The following MAGI2 variants were observed in gnomAD, a reference collection of about 807,000 sequenced individuals.
The protein encoded by MAGI2 is membrane-associated guanylate kinase, WW and PDZ domain-containing protein 2.
In MAGI2, 35 loss-of-function variants were observed where a neutral mutation model predicts 133.3. That is an observed-to-expected ratio of 0.26 (90% CI 0.20 to 0.35). MAGI2 has a LOEUF of 0.35. Among genes scored for constraint, MAGI2 ranks in the 10% least tolerant of loss-of-function variants. The probability of loss-of-function intolerance (pLI) is 1.00; values close to 1 mark genes in which losing one functional copy is unlikely to be tolerated. For synonymous variants in MAGI2, 729 were observed against 710.6 expected (o/e 1.03, Z -0.41); for missense variants, 1,636 against 1,863.4 (o/e 0.88, Z 2.25).
intron 1 of MAGI2, among the ~76,000 whole-genome samples, chr7:79,036,914 T>C (rs987564867): frequency 2.6e-5 from 4 of 152,144 alleles, no homozygotes; most frequent in Non-Finnish European, 5.9e-5. Flanking sequence ...TATGTAAAAA[T>C]TATGTTAATC....
chr7:79,027,743 C>T (rs1810039717), intron 1 of MAGI2, among the ~76,000 whole-genome samples: 1 of 151,782 alleles, frequency 6.6e-6, no homozygotes, highest in Admixed American at 6.6e-5. Flanking sequence ...TTAATTATTC[C>T]ATCTTGTATT....
chr7:79,355,151 C>T (rs1352305835), intron 1 of MAGI2, among the ~76,000 whole-genome samples: 2 of 152,312 alleles, frequency 1.3e-5, no homozygotes, highest in South Asian at 4.2e-4. Context: ...GGACTTCGTT[C>T]CTGCCACTAA....
chr7:78,745,187 G>A (rs1822807484), intron 2 of MAGI2, among the ~76,000 whole-genome samples: 1 of 151,998 alleles, frequency 6.6e-6, no homozygotes, highest in African/African-American at 2.4e-5. Context: ...CAATCCTATT[G>A]GTTTGTTATT....
At chr7:78,835,642 T>C (rs1791555312) in intron 2 of MAGI2, among the ~76,000 whole-genome samples, 1 of 152,004 alleles carries the variant, frequency 6.6e-6, no homozygotes, top group African/African-American at 2.4e-5. Context: ...CATTCCTCAC[T>C]CCCAGGAAGG....
intron 2 of MAGI2, among the ~76,000 whole-genome samples, chr7:78,699,183 C>T (rs1314209946): frequency 3.3e-5 from 5 of 152,130 alleles, no homozygotes; most frequent in Admixed American, 1.3e-4. Context: ...GATCTTGGCT[C>T]AATGCAATCT....
At chr7:79,251,428 C>T (rs1833262344) in intron 1 of MAGI2, among the ~76,000 whole-genome samples, 1 of 114,258 alleles carries the variant, frequency 8.8e-6, no homozygotes, top group African/African-American at 3.5e-5. Context: ...GGCAAAAGAT[C>T]TGAATAGAGA....
chr7:78,663,939 T>C (rs902806854), intron 2 of MAGI2, among the ~76,000 whole-genome samples: 3 of 152,216 alleles, frequency 2.0e-5, no homozygotes, highest in African/African-American at 7.2e-5. Context: ...GCAGCACATA[T>C]AATACATTGC....
chr7:79,144,852 T>TC (rs1321820554), intron 1 of MAGI2, among the ~76,000 whole-genome samples: 1 of 152,198 alleles, frequency 6.6e-6, no homozygotes, highest in Non-Finnish European at 1.5e-5. Context: ...TAACATGCCT[T>TC]CCCCAACCCC....
intron 4 of MAGI2, among the ~76,000 whole-genome samples, chr7:78,513,319 A>C (rs1795763897): frequency 6.6e-6 from 1 of 152,150 alleles, no homozygotes; most frequent in African/African-American, 2.4e-5. Context: ...ACGGGAAAAA[A>C]CATCACAATA....
intron 2 of MAGI2, among the ~76,000 whole-genome samples, chr7:78,745,819 G>A (rs183771246): frequency 1.3e-5 from 2 of 152,210 alleles, no homozygotes; most frequent in East Asian, 3.9e-4. Context: ...TGGTATTCTA[G>A]GCATCTTTTC....
intron 6 of MAGI2, among the ~76,000 whole-genome samples, chr7:78,431,803 T>G (rs116595986): frequency 0.016 from 2,366 of 152,184 alleles, 63 homozygotes; most frequent in African/African-American, 0.053. Flanking sequence ...AGCAGTGTTT[T>G]TTTTCAAGGT....
At chr7:78,253,108 C>T (rs1792597182) in intron 10 of MAGI2, 1 of 152,140 alleles carries the variant, frequency 6.6e-6, no homozygotes, top group South Asian at 2.1e-4. Flanking sequence ...GCAACACAAA[C>T]ATGTGTATCC....
chr7:79,162,389 C>T (rs1824456152), intron 1 of MAGI2, among the ~76,000 whole-genome samples: 1 of 151,998 alleles, frequency 6.6e-6, no homozygotes, highest in Admixed American at 6.6e-5. Flanking sequence ...ACTACAAATG[C>T]TCTGATGCTA....
At chr7:78,161,359 G>A (rs1249090794) in intron 15 of MAGI2, among the ~76,000 whole-genome samples, 2 of 152,106 alleles carry the variant, frequency 1.3e-5, no homozygotes, top group Non-Finnish European at 2.9e-5. Flanking sequence ...CAGGCACCTA[G>A]AATAATGTAA....
chr7:78,915,249 G>T (rs544765505), intron 2 of MAGI2, among the ~76,000 whole-genome samples: 213 of 152,212 alleles, frequency 1.4e-3, no homozygotes, highest in African/African-American at 4.9e-3. Context: ...GCAGGATTAT[G>T]AACACTGCCA....
At chr7:79,043,493 A>G (rs1349701376) in intron 1 of MAGI2, among the ~76,000 whole-genome samples, 2 of 145,720 alleles carry the variant, frequency 1.4e-5, no homozygotes, top group East Asian at 4.2e-4. Flanking sequence ...CAGTGAGCCA[A>G]GATCACACTA....
chr7:78,437,261 G>A (rs949637857), intron 6 of MAGI2, among the ~76,000 whole-genome samples: 4 of 152,116 alleles, frequency 2.6e-5, no homozygotes, highest in Admixed American at 2.6e-4. Context: ...AAGAGACAGG[G>A]CAGCTCACAC....
intron 1 of MAGI2, among the ~76,000 whole-genome samples, chr7:79,366,205 C>T (rs374526742): frequency 6.6e-5 from 10 of 151,708 alleles, no homozygotes; most frequent in African/African-American, 1.9e-4. Flanking sequence ...CACTCCAGCC[C>T]GGGCAATGGG....
At chr7:79,290,257 A>G (rs995751410) in intron 1 of MAGI2, among the ~76,000 whole-genome samples, 18 of 152,044 alleles carry the variant, frequency 1.2e-4, no homozygotes, top group Admixed American at 3.3e-4. Flanking sequence ...CCACCTCAAA[A>G]GTAACATATC....
Sources: gnomAD v4.1 joint callset for allele counts (sites outside exome capture counted in the v4.1 genomes callset) on GRCh38, gnomAD v4.1.1 for gene constraint, MANE v1.5 for transcripts, NCBI Gene and HGNC (gene_info 2026-07-23, HGNC 2026-07-21) for gene names.